The following PRKCE variants were observed in gnomAD, a reference collection of about 807,000 sequenced individuals.
PRKCE encodes the protein protein kinase C epsilon type.
A neutral mutation model predicts 85.4 loss-of-function variants in PRKCE; 16 were observed. That is an observed-to-expected ratio of 0.19 (90% CI 0.13 to 0.28). PRKCE has a LOEUF of 0.28. Ranked by LOEUF, PRKCE falls within the 10% of genes least tolerant of loss-of-function variation. PRKCE has a pLI of 1.00. For synonymous variants in PRKCE, 388 were observed against 371.5 expected (o/e 1.04, Z -0.51); for missense variants, 573 against 975.2 (o/e 0.59, Z 5.49).
intron 1 of PRKCE, among the ~76,000 whole-genome samples, chr2:45,691,930 A>G (rs1350875653): frequency 6.6e-6 from 1 of 152,186 alleles, no homozygotes; most frequent in Non-Finnish European, 1.5e-5. Context: ...TCTGGACACA[A>G]CACACCGCTC....
At chr2:45,672,246 G>GCATCCATC (rs57355156) in intron 1 of PRKCE, among the ~76,000 whole-genome samples, 48 of 150,406 alleles carry the variant, frequency 3.2e-4, no homozygotes, top group African/African-American at 7.6e-4. Flanking sequence ...ATCTGTCTAT[G>GCATCCATC]CATCCATCCA....
chr2:45,872,224 G>C (rs944547185), intron 2 of PRKCE, among the ~76,000 whole-genome samples: 8 of 152,126 alleles, frequency 5.3e-5, no homozygotes, highest in Non-Finnish European at 1.2e-4. Flanking sequence ...ACTCTGGAAG[G>C]AAACAAAGTC....
intron 10 of PRKCE, among the ~76,000 whole-genome samples, chr2:46,082,106 G>A (rs1669136358): frequency 6.6e-6 from 1 of 152,028 alleles, no homozygotes; most frequent in East Asian, 1.9e-4. Flanking sequence ...ACTAAGCAGT[G>A]GACTTAGAGG....
At chr2:46,098,129 C>T (rs1272860355) in intron 11 of PRKCE, among the ~76,000 whole-genome samples, 5 of 152,080 alleles carry the variant, frequency 3.3e-5, no homozygotes, top group African/African-American at 4.8e-5. Context: ...TGAGGGACCC[C>T]GTCATCTCTT....
chr2:45,993,140 A>G (rs1214532904), intron 6 of PRKCE, among the ~76,000 whole-genome samples: 1 of 126,734 alleles, frequency 7.9e-6, no homozygotes, highest in Admixed American at 9.0e-5. Flanking sequence ...GGTGCTCCCC[A>G]GTAGTGTTGT....
intron 1 of PRKCE, among the ~76,000 whole-genome samples, chr2:45,806,582 C>T (rs944837003): frequency 5.3e-5 from 8 of 152,156 alleles, no homozygotes; most frequent in Non-Finnish European, 8.8e-5. Context: ...AACAGCAACC[C>T]CCATTCCCCT....
chr2:46,069,276 C>T (rs1667875205), intron 10 of PRKCE, among the ~76,000 whole-genome samples: 1 of 152,180 alleles, frequency 6.6e-6, no homozygotes, highest in Admixed American at 6.5e-5. Flanking sequence ...TCCAAATTGC[C>T]AGTCACTAAC....
rs538818522 is a variant in PRKCE, at chr2:46,041,968, A to G, written c.1437+31451A>G. 3.9e-4 allele frequency among the ~76,000 whole-genome samples: 59 copies of G among 152,352 alleles called. No individual in the cohort carries two copies. The highest frequency in any genetic ancestry group is 7.9e-4 in the Non-Finnish European group (54 of 68,042). On this transcript the variant is annotated intron_variant, in intron 10 of 14. Coordinates refer to ENST00000306156, the MANE Select transcript of PRKCE (RefSeq NM_005400.3). This position sits in a 1 kb window ranked among gnomAD's most constrained non-coding sequence, Gnocchi z 5.5. ...GGTGATGTCTATATCAAAGATTGTAATATAATTTGAGGTGGCAGTCCCCCT... is the reference window on the plus strand; with the variant it reads ...GGTGATGTCTATATCAAAGATTGTAGTATAATTTGAGGTGGCAGTCCCCCT...
chr2:45,800,234 C>T (rs1687751573), intron 1 of PRKCE, among the ~76,000 whole-genome samples: 2 of 152,226 alleles, frequency 1.3e-5, no homozygotes, highest in African/African-American at 4.8e-5. Context: ...GTTGCTGGGT[C>T]AGCTGGGGGT....
intron 2 of PRKCE, among the ~76,000 whole-genome samples, chr2:45,923,418 G>A (rs1176341964): frequency 6.6e-6 from 1 of 152,222 alleles, no homozygotes; most frequent in Non-Finnish European, 1.5e-5. Flanking sequence ...ACAGGGTAGG[G>A]TCTGAATTTC....
At chr2:45,834,721 C>T (rs1015742472) in intron 1 of PRKCE, among the ~76,000 whole-genome samples, 2 of 152,120 alleles carry the variant, frequency 1.3e-5, no homozygotes, top group African/African-American at 4.8e-5. Flanking sequence ...AGCTAGTTCC[C>T]TATCAGTTGG....
chr2:45,852,788 G>T (rs1425485243), intron 2 of PRKCE, among the ~76,000 whole-genome samples: 4 of 152,208 alleles, frequency 2.6e-5, no homozygotes, highest in Admixed American at 2.6e-4. Context: ...GGATCTGCCA[G>T]GTAGGTTTTA....
intron 1 of PRKCE, among the ~76,000 whole-genome samples, chr2:45,729,531 A>G (rs1681384799): frequency 1.3e-5 from 2 of 152,086 alleles, no homozygotes. Flanking sequence ...CTACAGCAAT[A>G]GCCTGAAGGA....
intron 2 of PRKCE, among the ~76,000 whole-genome samples, chr2:45,933,258 T>G (rs1365895779): frequency 6.6e-6 from 1 of 152,206 alleles, no homozygotes; most frequent in Non-Finnish European, 1.5e-5. Flanking sequence ...AGTACCTTCT[T>G]GTCTGTGGCT....
Position 46,159,867 on chromosome 2 carries a change from C to G in PRKCE, c.2067+115C>G. On this transcript the variant is annotated intron_variant, in intron 14 of 14. Transcript: ENST00000306156. This position sits in a 1 kb window ranked among gnomAD's most constrained non-coding sequence, Gnocchi z 4.1. ...GGGATGCGTATTACAGTAAAAATGA[C>G]AAAGACCAGAGGTGGCTGAGGCTCT... is the stretch of plus-strand genomic sequence containing the variant. 7.3e-7 allele frequency: 1 copy of G among 1,379,052 alleles called. No homozygotes were observed. Among genetic ancestry groups the G allele is most frequent in the Non-Finnish European group, 9.9e-7 (1 of 1,014,074 alleles). 85.4% of individuals were successfully genotyped at this position (1,379,052 alleles called of 1,614,324 possible).
chr2:45,801,342 G>A (rs1245077318), intron 1 of PRKCE, among the ~76,000 whole-genome samples: 1 of 152,174 alleles, frequency 6.6e-6, no homozygotes, highest in Non-Finnish European at 1.5e-5. Flanking sequence ...AGGGATGAAT[G>A]TGAAGGGGAG....
chr2:46,085,761 T>TG (rs1669574327), intron 10 of PRKCE, among the ~76,000 whole-genome samples: 1 of 76,202 alleles, frequency 1.3e-5, no homozygotes. Context: ...TTTTGTTTTT[T>TG]TTTTTTTTTT....
Position 46,185,006 on chromosome 2 carries a change from G to T in PRKCE, c.*125G>T. 7.5e-7 allele frequency: 1 copy of T among 1,329,962 alleles called. No individual in the cohort carries two copies. The highest frequency in any genetic ancestry group is 1.0e-6 in the Non-Finnish European group (1 of 975,846). The allele number at this position is 1,329,962 out of a possible 1,614,324, so 82.4% of individuals were successfully genotyped here. ...TCGGAGCCCCAGTCCCATGTCCACT[G>T]TCTATTTATTGCATTCCCTTGCCCC... On this transcript the variant is annotated 3_prime_UTR_variant, in exon 15 of 15. Transcript: ENST00000306156. The surrounding 1 kb of genome is among the most constrained non-coding windows in gnomAD (Gnocchi z 4.7).
At chr2:45,892,434 C>G (rs1695799386) in intron 2 of PRKCE, among the ~76,000 whole-genome samples, 1 of 151,796 alleles carries the variant, frequency 6.6e-6, no homozygotes, top group Non-Finnish European at 1.5e-5. Flanking sequence ...AAAAAAATAA[C>G]TAGGAACAGG....
Sources: allele counts gnomAD v4.1 joint callset (sites outside exome capture counted in the v4.1 genomes callset), GRCh38; gene constraint gnomAD v4.1.1; non-coding constraint Gnocchi (gnomAD v3.1); transcripts MANE v1.5; gene names NCBI Gene and HGNC (gene_info 2026-07-23, HGNC 2026-07-21).